MZT1: variants seen among roughly 807,000 people sequenced by gnomAD.
The protein encoded by MZT1 is mitotic-spindle organizing protein 1.
Under a neutral mutation model 8.5 loss-of-function variants are expected in MZT1, and 8 were observed. The observed-to-expected ratio is 0.94, with a 90% confidence interval of 0.55 to 1.70. The LOEUF (loss-of-function observed/expected upper bound fraction) is 1.70. Ranked by LOEUF, MZT1 falls within the 40% of genes most tolerant of loss-of-function variation. The pLI is 0.00. For missense variants in MZT1, 93 were observed against 108.6 expected, an observed-to-expected ratio of 0.86 and a Z score of 0.64; for synonymous variants, 38 against 42.0, an observed-to-expected ratio of 0.90 and a Z score of 0.37.
rs1030238308 is a variant in MZT1, at chr13:72,709,492, T to G, written c.*830A>C. On this transcript the variant is annotated 3_prime_UTR_variant, in exon 3 of 3. Coordinates refer to ENST00000377818, the MANE Select transcript of MZT1 (RefSeq NM_001071775.3). ...AATAAAAGTAAATAGGAATTTTGCATGTTTGTTGTTTCATTTTACAAATTT... is the reference window on the plus strand; with the variant it reads ...AATAAAAGTAAATAGGAATTTTGCAGGTTTGTTGTTTCATTTTACAAATTT... The G allele has an allele frequency of 6.6e-6, 1 of 152,108 alleles. No individual in the cohort carries two copies. Among genetic ancestry groups the G allele is most frequent in the African/African-American group, 2.4e-5 (1 of 41,468 alleles). The allele number at this position is 152,108 out of a possible 1,614,324, so 9.4% of individuals were successfully genotyped here.
chr13:72,710,383 T>C, intron 2 of MZT1, 38 bp from the exon 3 acceptor site: 2 of 1,604,932 alleles, frequency 1.2e-6, no homozygotes, highest in Non-Finnish European at 1.7e-6. Flanking sequence ...AATAAAACCA[T>C]GGAAAAAGAG....
At chr13:72,713,503 G>A (rs2032507249) in intron 2 of MZT1, among the ~76,000 whole-genome samples, 1 of 152,030 alleles carries the variant, frequency 6.6e-6, no homozygotes, top group East Asian at 1.9e-4. Flanking sequence ...CATCATCTCT[G>A]GATTCGTTGT....
At chr13:72,716,384 T>C (rs1038532933) in intron 2 of MZT1, among the ~76,000 whole-genome samples, 1 of 152,228 alleles carries the variant, frequency 6.6e-6, no homozygotes, top group African/African-American at 2.4e-5. Context: ...ATTCTCTTTA[T>C]GATACATTTT....
chr13:72,722,346 T>A (rs926216147), intron 1 of MZT1, among the ~76,000 whole-genome samples: 5 of 152,240 alleles, frequency 3.3e-5, no homozygotes, highest in African/African-American at 4.8e-5. Flanking sequence ...TATCCATTTG[T>A]TTTGCTGACA....
intron 1 of MZT1, among the ~76,000 whole-genome samples, chr13:72,724,573 C>A (rs1454582337): frequency 1.5e-5 from 2 of 136,858 alleles, no homozygotes; most frequent in African/African-American, 5.4e-5. Context: ...GAGTCTAGCT[C>A]TGTCACCCAG....
intron 1 of MZT1, among the ~76,000 whole-genome samples, chr13:72,721,170 T>G (rs1015534367): frequency 6.6e-6 from 1 of 152,214 alleles, no homozygotes; most frequent in South Asian, 2.1e-4. Flanking sequence ...TATTTCTAAT[T>G]CTTGAGCTTT....
rs1180726488 is a variant in MZT1 at position 72,724,752 on chromosome 13, A to ATATATATATATATGTGTGTGTGTG, written c.79+2771_79+2772insCACACACACACATATATATATATA. 7.0e-5 allele frequency among the ~76,000 whole-genome samples: 4 copies of ATATATATATATATGTGTGTGTGTG among 56,888 alleles called. 1 individual carries two copies. Among genetic ancestry groups the ATATATATATATATGTGTGTGTGTG allele is most frequent in the Non-Finnish European group, 1.5e-4 (4 of 26,832 alleles). 37.3% of individuals were successfully genotyped at this position (56,888 alleles called of 152,430 possible). ...TATATATATATATACACATATATAT[A>ATATATATATATATGTGTGTGTGTG]TGTAAAGTGGTGCTACAGGCCGGGC... On this transcript the variant is annotated intron_variant, in intron 1 of 2. Transcript: ENST00000377818.
At chr13:72,726,905 C>CA (rs1029155485) in intron 1 of MZT1, among the ~76,000 whole-genome samples, 16 of 152,212 alleles carry the variant, frequency 1.1e-4, no homozygotes, top group African/African-American at 3.4e-4. Flanking sequence ...AGGCTTCACA[C>CA]ACACGTGCCT....
chr13:72,715,481 GA>G (rs1258172788), intron 2 of MZT1, among the ~76,000 whole-genome samples: 1 of 152,142 alleles, frequency 6.6e-6, no homozygotes, highest in African/African-American at 2.4e-5. Flanking sequence ...AATGTGAGAA[GA>G]ACACATGAGA....
At position 72,727,426 on chromosome 13, in the gene MZT1, C is replaced by A. The variant is rs534153420; in HGVS notation, c.79+98G>T. ...AGATCTTGGAAGATGCCGTTTGGGGCACTAAGGGGACCTGAAGTCCTCCCC... is the reference window on the plus strand; with the variant it reads ...AGATCTTGGAAGATGCCGTTTGGGGAACTAAGGGGACCTGAAGTCCTCCCC... On this transcript the variant is annotated intron_variant, in intron 1 of 2. Transcript: ENST00000377818. The A allele has an allele frequency of 1.7e-4, 195 of 1,181,218 alleles. No homozygotes were observed. In the African/African-American group the frequency reaches 2.5e-3, roughly 15 times the overall value. 73.2% of individuals were successfully genotyped at this position (1,181,218 alleles called of 1,614,324 possible). A position where few individuals can be genotyped will look rare whatever the true frequency, so the allele number is the denominator to read the frequency against.
chr13:72,713,347 C>T (rs2032505643), intron 2 of MZT1, among the ~76,000 whole-genome samples: 1 of 152,092 alleles, frequency 6.6e-6, no homozygotes, highest in African/African-American at 2.4e-5. Context: ...TTGAAGTTGT[C>T]CCTTGGTATC....
At chr13:72,718,850 G>A (rs974858751) in intron 2 of MZT1, 102 bp downstream of exon 2, 1 of 1,156,796 alleles carries the variant, frequency 8.6e-7, no homozygotes, top group African/African-American at 1.6e-5. Context: ...TTGCATGTTA[G>A]TTTAACCTTG....
At chr13:72,718,578 C>T (rs758623302) in intron 2 of MZT1, among the ~76,000 whole-genome samples, 5 of 151,938 alleles carry the variant, frequency 3.3e-5, no homozygotes, top group Non-Finnish European at 7.4e-5. Flanking sequence ...CCTGGGTTCA[C>T]GCCATTCTCC....
At chr13:72,711,888 C>A (rs750136180) in intron 2 of MZT1, among the ~76,000 whole-genome samples, 7 of 152,100 alleles carry the variant, frequency 4.6e-5, no homozygotes, top group Non-Finnish European at 1.0e-4. Context: ...GACTTTAATC[C>A]AGGGAGAAGC....
intron 1 of MZT1, among the ~76,000 whole-genome samples, chr13:72,725,045 C>T (rs373914632): frequency 3.5e-5 from 5 of 142,418 alleles, no homozygotes; most frequent in South Asian, 2.2e-4. Context: ...CAGCCAGACT[C>T]GGTCTCAAAA....
Position 72,719,111 on chromosome 13 carries a change from CAA to C in MZT1, c.80-16_80-15del, listed in dbSNP as rs753365312. ...TCTCAAGCAGAACTGAAAAAAGATACAAAAAAAAAAAAAACTTAAGGCTTACA... is the reference window on the plus strand; with the variant it reads ...TCTCAAGCAGAACTGAAAAAAGATACAAAAAAAAAAAACTTAAGGCTTACA... On this transcript the variant is annotated splice_polypyrimidine_tract_variant and intron_variant, in intron 1 of 2. Transcript: ENST00000377818. 894 of 1,244,194 alleles carry C rather than the reference CAA, an allele frequency of 7.2e-4. No individual in the cohort carries two copies. Among genetic ancestry groups the C allele is most frequent in the South Asian group, 1.9e-3 (88 of 45,978 alleles). 77.1% of individuals were successfully genotyped at this position (1,244,194 alleles called of 1,614,324 possible).
chr13:72,726,418 C>G (rs1390584764), intron 1 of MZT1, among the ~76,000 whole-genome samples: 1 of 151,934 alleles, frequency 6.6e-6, no homozygotes, highest in Non-Finnish European at 1.5e-5. Context: ...GCAACTACAG[C>G]AAGACTGTGT....
In MZT1 at chr13:72,721,114, T is replaced by C. The variant is rs145389171; in HGVS notation, c.80-2017A>G. On this transcript the variant is annotated intron_variant, in intron 1 of 2. Coordinates refer to ENST00000377818, the MANE Select transcript of MZT1 (RefSeq NM_001071775.3). ...CCTTGCATATCTGGTAATCTTTGAT[T>C]GGATGCCATGTACTTAGAATTTTAC... Among the ~76,000 whole-genome samples, 191 of 152,326 alleles carry C rather than the reference T, an allele frequency of 1.3e-3. 3 individuals are homozygous for C. The Middle Eastern group carries it at 0.02, about 16-fold the overall frequency.
chr13:72,724,540 T>G (rs1199420963), intron 1 of MZT1, among the ~76,000 whole-genome samples: 1 of 78,452 alleles, frequency 1.3e-5, no homozygotes, highest in Non-Finnish European at 3.0e-5. Context: ...CTATAACGTG[T>G]TTTTTTTTTT....
Sources: gnomAD v4.1 joint callset for allele counts (sites outside exome capture counted in the v4.1 genomes callset) on GRCh38, gnomAD v4.1.1 for gene constraint, MANE v1.5 for transcripts, NCBI Gene and HGNC (gene_info 2026-07-23, HGNC 2026-07-21) for gene names.